Variants in GLIS3 observed in about 807,000 individuals in gnomAD.
GLIS3 encodes zinc finger protein GLIS3.
A neutral mutation model predicts 78.6 loss-of-function variants in GLIS3; 53 were observed. The ratio of observed to expected loss-of-function variants is 0.67; its 90% CI spans 0.54 to 0.85. The LOEUF (loss-of-function observed/expected upper bound fraction) is 0.85. Ranked by LOEUF, GLIS3 falls within the 40% of genes least tolerant of loss-of-function variation. The pLI is 0.00. For missense variants in GLIS3, 1,703 were observed against 1,231.1 expected (o/e 1.38, Z -5.74); for synonymous variants, 684 against 509.9 (o/e 1.34, Z -4.60).
At chr9:4,278,890 TG>T (rs1198862172) in intron 2 of GLIS3, among the ~76,000 whole-genome samples, 1 of 152,250 alleles carries the variant, frequency 6.6e-6, no homozygotes, top group Admixed American at 6.5e-5. Context: ...ATGCAATGTG[TG>T]GTACACAAAT....
rs955469646 is a variant in GLIS3, at chr9:4,084,537, G to C, written c.1710+33231C>G. 4.6e-5 allele frequency among the ~76,000 whole-genome samples: 7 copies of C among 152,198 alleles called. No individual in the cohort carries two copies. The East Asian group carries it at 1.4e-3, about 29-fold the overall frequency. On this transcript the variant is annotated intron_variant, in intron 4 of 10. Transcript: ENST00000381971. ...AGCAGCTGGGGAGGAGGTGGAAGTG[G>C]GTGACGGAGACATGGAGCCAGAAAC...
At chr9:4,319,095 G>C (rs1817481886) in intron 2 of GLIS3, among the ~76,000 whole-genome samples, 3 of 152,166 alleles carry the variant, frequency 2.0e-5, no homozygotes, top group African/African-American at 7.2e-5. Context: ...AACCATTCTA[G>C]GGTAAAGGAG....
At chr9:4,313,296 G>C (rs1817392323) in intron 2 of GLIS3, among the ~76,000 whole-genome samples, 1 of 152,170 alleles carries the variant, frequency 6.6e-6, no homozygotes, top group Non-Finnish European at 1.5e-5. Flanking sequence ...AGGGATCTTA[G>C]TTTGAGCAGC....
chr9:4,435,497 C>G, the GLIS3 span, among the ~76,000 whole-genome samples: 18 of 152,206 alleles, frequency 1.2e-4, no homozygotes, highest in African/African-American at 4.3e-4. Context: ...ACCCTTGTCA[C>G]AAGATCATCA....
chr9:3,963,133 C>T (rs749551960), intron 4 of GLIS3, among the ~76,000 whole-genome samples: 1 of 152,134 alleles, frequency 6.6e-6, no homozygotes, highest in Non-Finnish European at 1.5e-5. Context: ...TGCATGTTGC[C>T]AAGTGCCTCA....
chr9:4,398,484 G>A, the GLIS3 span, among the ~76,000 whole-genome samples: 4 of 151,968 alleles, frequency 2.6e-5, no homozygotes, highest in Admixed American at 6.5e-5. Flanking sequence ...CCTTGGGGTC[G>A]TGGACATTGC....
intron 2 of GLIS3, among the ~76,000 whole-genome samples, chr9:4,244,277 G>C (rs1464324925): frequency 6.6e-6 from 1 of 152,184 alleles, no homozygotes; most frequent in Admixed American, 6.5e-5. Flanking sequence ...AATACACTTG[G>C]CTAGGAAGTT....
chr9:4,057,278 A>C (rs1255499602), intron 4 of GLIS3, among the ~76,000 whole-genome samples: 1 of 152,088 alleles, frequency 6.6e-6, no homozygotes, highest in African/African-American at 2.4e-5. Context: ...TAAAATTCTT[A>C]ATCATTTCTG....
intron 4 of GLIS3, among the ~76,000 whole-genome samples, chr9:3,944,115 G>A (rs1175272402): frequency 3.3e-5 from 5 of 152,150 alleles, no homozygotes; most frequent in Non-Finnish European, 7.4e-5. Flanking sequence ...GGGTCATGAG[G>A]AAGCAGCTGA....
intron 2 of GLIS3, among the ~76,000 whole-genome samples, chr9:4,139,299 A>T (rs1391923205): frequency 6.6e-6 from 1 of 152,254 alleles, no homozygotes; most frequent in Non-Finnish European, 1.5e-5. Context: ...GGTATCCCCC[A>T]GACAGCAAGT....
chr9:4,016,677 C>T (rs1822467579), intron 4 of GLIS3, among the ~76,000 whole-genome samples: 1 of 152,170 alleles, frequency 6.6e-6, no homozygotes, highest in Non-Finnish European at 1.5e-5. Context: ...TCCACAATTG[C>T]TCTGCTCTGA....
intron 9 of GLIS3, among the ~76,000 whole-genome samples, chr9:3,838,133 T>C (rs190549205): frequency 1.0e-3 from 152 of 152,300 alleles, no homozygotes; most frequent in African/African-American, 3.4e-3. Context: ...CACCAAAATA[T>C]GTATTCCATG....
At chr9:4,474,636 T>G in the GLIS3 span, among the ~76,000 whole-genome samples, 2 of 151,864 alleles carry the variant, frequency 1.3e-5, no homozygotes, top group African/African-American at 4.8e-5. Context: ...ACCTTTGGAG[T>G]AAGCAAATAT....
the GLIS3 span, among the ~76,000 whole-genome samples, chr9:4,488,127 T>TTG: frequency 5.4e-4 from 46 of 85,200 alleles, no homozygotes; most frequent in East Asian, 4.3e-3. Flanking sequence ...TTGGTCGGTT[T>TTG]AGTTTTTGTA....
At chr9:4,242,660 A>G (rs899793434) in intron 2 of GLIS3, among the ~76,000 whole-genome samples, 4 of 152,150 alleles carry the variant, frequency 2.6e-5, no homozygotes, top group Admixed American at 2.6e-4. Context: ...CATATCCAAT[A>G]AGAAGCCACT....
the GLIS3 span, among the ~76,000 whole-genome samples, chr9:4,483,427 G>C: frequency 1.3e-5 from 2 of 152,214 alleles, no homozygotes; most frequent in East Asian, 1.9e-4. Flanking sequence ...CCTTACATAA[G>C]AGGTGTTGGT....
At chr9:4,165,971 G>A (rs779981733) in intron 2 of GLIS3, among the ~76,000 whole-genome samples, 1 of 152,182 alleles carries the variant, frequency 6.6e-6, no homozygotes. Flanking sequence ...GGAGGGAGCT[G>A]GGTGGAAGGG....
At chr9:4,387,469 G>C in the GLIS3 span, among the ~76,000 whole-genome samples, 3 of 152,210 alleles carry the variant, frequency 2.0e-5, no homozygotes, top group East Asian at 5.8e-4. Context: ...AGCTCTTGTC[G>C]TTCAAATTGG....
intron 4 of GLIS3, among the ~76,000 whole-genome samples, chr9:4,065,758 C>G (rs913423061): frequency 6.6e-6 from 1 of 152,104 alleles, no homozygotes; most frequent in African/African-American, 2.4e-5. Flanking sequence ...TTTGGCTACA[C>G]TTTTATGGAT....
Sources: gnomAD v4.1 joint callset for allele counts (sites outside exome capture counted in the v4.1 genomes callset) on GRCh38, gnomAD v4.1.1 for gene constraint, MANE v1.5 for transcripts, NCBI Gene and HGNC (gene_info 2026-07-23, HGNC 2026-07-21) for gene names.